Variants in SLC22A4 observed in about 807,000 individuals in gnomAD.
SLC22A4 encodes the protein ET transporter.
A neutral mutation model predicts 56.6 loss-of-function variants in SLC22A4; 39 were observed. The ratio of observed to expected loss-of-function variants is 0.69; its 90% CI spans 0.53 to 0.90. The LOEUF (loss-of-function observed/expected upper bound fraction) is 0.90. Among genes scored for constraint, SLC22A4 ranks in the 40% least tolerant of loss-of-function variants. The pLI is 0.00. For synonymous variants in SLC22A4, 241 were observed against 281.4 expected (o/e 0.86, Z 1.44); for missense variants, 594 against 696.5 (o/e 0.85, Z 1.66).
intron 8 of SLC22A4, among the ~76,000 whole-genome samples, chr5:132,339,707 AGACACTGGTACATAAGACAGG>A: frequency 6.6e-6 from 1 of 152,200 alleles, no homozygotes; most frequent in East Asian, 1.9e-4. Flanking sequence ...TCCAGTGGTC[AGACACTGGTACATAAGACAGG>A]GAGTCCAAGA....
intron 1 of SLC22A4, among the ~76,000 whole-genome samples, chr5:132,310,538 G>C (rs1750154209): frequency 6.6e-6 from 1 of 152,202 alleles, no homozygotes; most frequent in South Asian, 2.1e-4. Context: ...ATCCTGCTCT[G>C]GGTACAGTCT....
rs563249250 is a variant in SLC22A4 at position 132,314,835 on chromosome 5, C to T, written c.652+1067C>T. On this transcript the variant is annotated intron_variant, in intron 3 of 9. Coordinates refer to ENST00000200652, the MANE Select transcript of SLC22A4 (RefSeq NM_003059.3). The stretch of plus-strand genomic sequence containing the variant: ...TCCTTTAATTATTTGCGAAGAGCCC[C>T]GTGCCATGGGCTCAGCCTCAGTGTC... Among the ~76,000 whole-genome samples the T allele has an allele frequency of 1.9e-3, 282 of 152,314 alleles. 1 individual carries two copies. The highest frequency in any genetic ancestry group is 6.4e-3 in the African/African-American group (266 of 41,568).
intron 5 of SLC22A4, among the ~76,000 whole-genome samples, chr5:132,328,989 G>C (rs1384179399): frequency 6.6e-6 from 1 of 151,502 alleles, no homozygotes; most frequent in Non-Finnish European, 1.5e-5. Context: ...CTAGAGTGCA[G>C]TGGTACAATT....
At chr5:132,322,445 T>C in intron 4 of SLC22A4, 90 bp downstream of exon 4, 2 of 1,326,040 alleles carry the variant, frequency 1.5e-6, no homozygotes, top group Non-Finnish European at 2.2e-6. Context: ...TAGCCTGGGC[T>C]TGCATGACCT....
chr5:132,321,412 A>G (rs989567273), intron 3 of SLC22A4, among the ~76,000 whole-genome samples: 2 of 152,110 alleles, frequency 1.3e-5, no homozygotes, highest in Non-Finnish European at 2.9e-5. Flanking sequence ...TGATGGGCCA[A>G]TGTCTGTTTA....
chr5:132,295,247 T>C (rs1749754901), intron 1 of SLC22A4: 1 of 712,432 alleles, frequency 1.4e-6, no homozygotes, highest in South Asian at 1.5e-5. Flanking sequence ...TCACCAACTG[T>C]CTTTTCATTT....
chr5:132,320,221 T>C (rs940854133), intron 3 of SLC22A4, among the ~76,000 whole-genome samples: 2 of 152,192 alleles, frequency 1.3e-5, no homozygotes, highest in African/African-American at 4.8e-5. Flanking sequence ...AACCCAGTAG[T>C]ATAACTTCTC....
chr5:132,296,468 AG>A (rs1205731795), intron 1 of SLC22A4, among the ~76,000 whole-genome samples: 2 of 152,236 alleles, frequency 1.3e-5, no homozygotes. Context: ...CCAGTGAGGA[AG>A]TTTTGAAACT....
chr5:132,334,789 A>C lies in SLC22A4; in HGVS notation c.1118A>C (p.Asn373Thr). The stretch of plus-strand genomic sequence containing the variant: ...AATTTACATGGAGATGCCTACCTGA[A>C]CTGTTTCCTCTCTGCCTTGATTGAA... ...APNLHGDAYL[N>T]CFLSALIEIP... Residue 373 changes from asparagine to threonine, a missense_variant, in exon 7 of 10, where the codon AAC (asparagine) becomes ACC (threonine). By Grantham distance (65) the Asn-to-Thr change is moderately conservative. Coordinates refer to ENST00000200652, the MANE Select transcript of SLC22A4 (RefSeq NM_003059.3). 6.2e-7 allele frequency: 1 copy of C among 1,614,028 alleles called. No homozygotes were observed. The highest frequency in any genetic ancestry group is 8.5e-7 in the Non-Finnish European group (1 of 1,179,944).
intron 6 of SLC22A4, among the ~76,000 whole-genome samples, chr5:132,334,003 T>G (rs1341367118): frequency 6.6e-6 from 1 of 152,152 alleles, no homozygotes; most frequent in Non-Finnish European, 1.5e-5. Flanking sequence ...GAGACGGGGT[T>G]TCACCATGTT....
intron 1 of SLC22A4, among the ~76,000 whole-genome samples, chr5:132,310,563 G>C (rs1750154960): frequency 6.6e-6 from 1 of 152,200 alleles, no homozygotes; most frequent in Non-Finnish European, 1.5e-5. Flanking sequence ...TTTATCCTTG[G>C]ATTGTGCCTG....
At chr5:132,328,259 A>G (rs1402631578) in intron 5 of SLC22A4, among the ~76,000 whole-genome samples, 2 of 152,064 alleles carry the variant, frequency 1.3e-5, no homozygotes, top group African/African-American at 4.8e-5. Flanking sequence ...TGTCTAGGAG[A>G]TAGGTAGGAG....
At chr5:132,308,100 C>T (rs1307310179) in intron 1 of SLC22A4, among the ~76,000 whole-genome samples, 1 of 152,154 alleles carries the variant, frequency 6.6e-6, no homozygotes, top group African/African-American at 2.4e-5. Flanking sequence ...ACGGATTATT[C>T]AGGTTTTAGA....
intron 1 of SLC22A4, chr5:132,295,228 A>G: frequency 1.4e-6 from 1 of 720,038 alleles, no homozygotes. Flanking sequence ...TGATGGAGAA[A>G]GGAGTTTGTC....
chr5:132,331,878 G>A, intron 6 of SLC22A4, 28 bp downstream of exon 6: 1 of 1,360,602 alleles, frequency 7.3e-7, no homozygotes, highest in South Asian at 1.2e-5. Context: ...TGGAAATGCA[G>A]ATATCCAGCA....
intron 3 of SLC22A4, among the ~76,000 whole-genome samples, chr5:132,316,474 C>T (rs1750360313): frequency 6.6e-6 from 1 of 152,200 alleles, no homozygotes; most frequent in Admixed American, 6.5e-5. Context: ...TGTCAATAGC[C>T]TTCTGGGTAG....
intron 4 of SLC22A4, among the ~76,000 whole-genome samples, chr5:132,325,473 A>G (rs551982174): frequency 7.2e-5 from 11 of 152,236 alleles, no homozygotes; most frequent in African/African-American, 2.2e-4. Context: ...TGTAGTTCCT[A>G]TAGGGACCCA....
At chr5:132,313,828 G>A in intron 3 of SLC22A4, 60 bp downstream of exon 3, 1 of 1,551,200 alleles carries the variant, frequency 6.4e-7, no homozygotes, top group East Asian at 2.2e-5. Flanking sequence ...GGCCCAGAAA[G>A]AGGAAATCAT....
chr5:132,317,561 C>T (rs1750398254), intron 3 of SLC22A4, among the ~76,000 whole-genome samples: 3 of 152,172 alleles, frequency 2.0e-5, no homozygotes, highest in Admixed American at 6.5e-5. Flanking sequence ...TCATTGAACA[C>T]CTGGGTGTTT....
Sources: allele counts gnomAD v4.1 joint callset (sites outside exome capture counted in the v4.1 genomes callset), GRCh38; gene constraint gnomAD v4.1.1; transcripts MANE v1.5; gene names NCBI Gene and HGNC (gene_info 2026-07-23, HGNC 2026-07-21).